Variants in BAHCC1 observed in about 807,000 individuals in gnomAD.
BAHCC1 encodes BAH and coiled-coil domain-containing protein 1.
In BAHCC1, 43 loss-of-function variants were observed where a neutral mutation model predicts 88.2. The ratio of observed to expected loss-of-function variants is 0.49; its 90% CI spans 0.38 to 0.63. BAHCC1 has a LOEUF of 0.63. BAHCC1 is among the 20% of genes least tolerant of loss of function. BAHCC1 has a pLI of 0.00. For missense variants in BAHCC1, 3,023 were observed against 1,654.8 expected (o/e 1.83, Z -14.34); for synonymous variants, 1,510 against 745.5 (o/e 2.03, Z -16.71).
Position 81,464,770 on chromosome 17 carries a change from G to A in BAHCC1, c.*953G>A, listed in dbSNP as rs955237463. 2 of 152,440 alleles carry A rather than the reference G, an allele frequency of 1.3e-5. No homozygotes were observed. The highest frequency in any genetic ancestry group is 4.8e-5 in the African/African-American group (2 of 41,432). 9.4% of individuals were successfully genotyped at this position (152,440 alleles called of 1,614,324 possible). A position where few individuals can be genotyped will look rare whatever the true frequency, so the allele number is the denominator to read the frequency against. ...TGTTTCCGGGGCCAGTTGGTCTGAG[G>A]CCAAGGAGTCTGGCCTCCACCCAGA... On this transcript the variant is annotated 3_prime_UTR_variant, in exon 28 of 28. Coordinates refer to ENST00000675386, the MANE Select transcript of BAHCC1 (RefSeq NM_001377448.1).
rs182027427 is a variant in BAHCC1 at position 81,461,713 on chromosome 17, C to T, written c.7050C>T (p.Asp2350=). The part of the protein sequence containing the change: ...SDNEDSSYSS[D]DEDPALLLQT... ...ACGAGGACTCGTCCTACAGCTCAGA[C>T]GACGAGGACCCGGCTCTGCTGCTGC... is the stretch of plus-strand genomic sequence containing the variant. The change falls in exon 26 of 28, where the codon GAC becomes GAT. Residue 2350 remains aspartate (D), a synonymous_variant. Transcript: ENST00000675386. 370 of 719,118 alleles carry T rather than the reference C, an allele frequency of 5.1e-4. 1 individual carries two copies. In the African/African-American group the frequency reaches 5.9e-3, roughly 11 times the overall value. 44.5% of individuals were successfully genotyped at this position (719,118 alleles called of 1,614,324 possible). A position where few individuals can be genotyped will look rare whatever the true frequency, so the allele number is the denominator to read the frequency against.
chr17:81,399,574 CG>C lies in BAHCC1; in HGVS notation c.-165del. ...AGCGGCCGCTGGCTCGGTGCGCGGC[CG>C]CCCGCCGAGAAGCCCAGTCCTCCCG... On this transcript the variant is annotated 5_prime_UTR_variant, in exon 2 of 28. The change abolishes the stop of an existing upstream ORF in the 5' untranslated region. Coordinates refer to ENST00000675386, the MANE Select transcript of BAHCC1 (RefSeq NM_001377448.1). This position sits in a 1 kb window ranked among gnomAD's most constrained non-coding sequence, Gnocchi z 4.5. 2 of 419,094 alleles carry C rather than the reference CG, an allele frequency of 4.8e-6. No individual in the cohort carries two copies. The highest frequency in any genetic ancestry group is 8.6e-6 in the Non-Finnish European group (2 of 232,692). 26.0% of individuals were successfully genotyped at this position (419,094 alleles called of 1,614,324 possible).
At position 81,456,025 on chromosome 17, in the gene BAHCC1, C is replaced by T. The variant is rs184347164; in HGVS notation, c.4570-272C>T. On this transcript the variant is annotated intron_variant, in intron 15 of 27. Transcript: ENST00000675386. ...AAAGCTAACAGCCTGGCCCCACAAC[C>T]CACAGCCACTGGGCCCTCAGCCTCC... 1.8e-5 allele frequency: 9 copies of T among 498,130 alleles called. No homozygotes were observed. In the South Asian group the frequency reaches 2.2e-4, roughly 12 times the overall value. 30.9% of individuals were successfully genotyped at this position (498,130 alleles called of 1,614,324 possible). A position where few individuals can be genotyped will look rare whatever the true frequency, so the allele number is the denominator to read the frequency against.
chr17:81,406,948 T>C (rs1296391261), intron 2 of BAHCC1: 2 of 456,208 alleles, frequency 4.4e-6, no homozygotes, highest in African/African-American at 4.0e-5. Flanking sequence ...TGGGTTTTTT[T>C]CATTCTGACC....
chr17:81,456,476 G>C lies in BAHCC1; in HGVS notation c.4749G>C (p.Lys1583Asn). Reference protein sequence around the residue: ...GRIREKLSRAKSAKVSGATRH... With the variant: ...GRIREKLSRANSAKVSGATRH... ...TCCGGGAGAAGCTGTCCCGAGCCAAGAGTGCCAAGGTGTCTGGGGCCACAC... is the reference window on the plus strand; with the variant it reads ...TCCGGGAGAAGCTGTCCCGAGCCAACAGTGCCAAGGTGTCTGGGGCCACAC... The change falls in exon 16 of 28, where the codon AAG becomes AAC. Residue 1583 changes from lysine to asparagine, a missense_variant. By Grantham distance (94) the Lys-to-Asn change is moderately conservative. Coordinates refer to ENST00000675386, the MANE Select transcript of BAHCC1 (RefSeq NM_001377448.1). 1.4e-6 allele frequency: 1 copy of C among 721,082 alleles called. No individual in the cohort carries two copies. The highest frequency in any genetic ancestry group is 2.6e-6 in the Non-Finnish European group (1 of 387,372). The allele number at this position is 721,082 out of a possible 1,614,324, so 44.7% of individuals were successfully genotyped here. A position where few individuals can be genotyped will look rare whatever the true frequency, so the allele number is the denominator to read the frequency against.
At chr17:81,412,628 C>T (rs535609741) in intron 2 of BAHCC1, among the ~76,000 whole-genome samples, 83 of 152,258 alleles carry the variant, frequency 5.5e-4, no homozygotes, top group African/African-American at 1.9e-3. Flanking sequence ...CTGGAGTCAC[C>T]GACTCTCCCT....
chr17:81,451,539 C>T, intron 11 of BAHCC1, 129 bp from the exon 12 acceptor site: 1 of 609,250 alleles, frequency 1.6e-6, no homozygotes, highest in Non-Finnish European at 3.0e-6. Context: ...CCTCACTCTT[C>T]CCGGTCTCCT....
rs782006441 is a variant in BAHCC1, at chr17:81,399,310, G to T, written c.-206-224G>T. The T allele has an allele frequency of 3.6e-6, 1 of 276,150 alleles. No individual in the cohort carries two copies. Among genetic ancestry groups the T allele is most frequent in the Non-Finnish European group, 7.4e-6 (1 of 134,668 alleles). The allele number at this position is 276,150 out of a possible 1,614,324, so 17.1% of individuals were successfully genotyped here. A position where few individuals can be genotyped will look rare whatever the true frequency, so the allele number is the denominator to read the frequency against. On this transcript the variant is annotated intron_variant, in intron 1 of 27. Coordinates refer to ENST00000675386, the MANE Select transcript of BAHCC1 (RefSeq NM_001377448.1). The surrounding 1 kb of genome is among the most constrained non-coding windows in gnomAD (Gnocchi z 4.5). The stretch of plus-strand genomic sequence containing the variant: ...TTCCCCCGGCTGCCCCGGGCCAAGC[G>T]TGGCCGGGACGGTGCGTGCGCGCGC...
intron 5 of BAHCC1, 83 bp from the exon 6 acceptor site, chr17:81,443,726 C>T (rs527619862): frequency 1.9e-5 from 13 of 680,854 alleles, no homozygotes; most frequent in South Asian, 7.8e-5. Flanking sequence ...CCCCCCAGCT[C>T]GAAGCGGGGT....
intron 2 of BAHCC1, among the ~76,000 whole-genome samples, chr17:81,418,116 T>G (rs887525866): frequency 6.6e-6 from 1 of 152,152 alleles, no homozygotes; most frequent in Admixed American, 6.5e-5. Flanking sequence ...GAGGCAACAG[T>G]AAGCAGGGCG....
At position 81,455,331 on chromosome 17, in the gene BAHCC1, G is replaced by T; in HGVS notation, c.4510G>T (p.Ala1504Ser). ...ELRGGSGGEP[A>S]KKRSKLERSV... ...GCGAGGAGGCAGTGGGGGCGAGCCT[G>T]CGAAGAAGCGAAGCAAGCTGGAGAG... is the stretch of plus-strand genomic sequence containing the variant. Residue 1504 changes from alanine (A) to serine (S), a missense_variant, in exon 15 of 28, where the codon GCG becomes TCG. Physicochemically the swap from Ala to Ser is moderately conservative, Grantham distance 99. Transcript: ENST00000675386. The T allele has an allele frequency of 1.4e-6, 1 of 717,168 alleles. No individual in the cohort carries two copies. The allele number at this position is 717,168 out of a possible 1,614,324, so 44.4% of individuals were successfully genotyped here.
Position 81,460,684 on chromosome 17 carries a change from A to C in BAHCC1, c.6180A>C (p.Lys2060Asn), listed in dbSNP as rs782122833. 2 of 773,274 alleles carry C rather than the reference A, an allele frequency of 2.6e-6. No homozygotes were observed. The highest frequency in any genetic ancestry group is 2.7e-5 in the South Asian group (2 of 73,852). 47.9% of individuals were successfully genotyped at this position (773,274 alleles called of 1,614,324 possible). The change falls in exon 25 of 28, where the codon AAA becomes AAC. Residue 2060 changes from lysine to asparagine, a missense_variant. Transcript: ENST00000675386. The part of the protein sequence containing the change: ...GPEALKTPGK[K>N]SISKDKAGKA... ...AAGCTTTGAAGACACCTGGGAAAAA[A>C]TCCATTAGCAAAGACAAAGCTGGTA...
At chr17:81,444,977 C>A (rs782028435) in intron 8 of BAHCC1, 38 bp from the exon 9 acceptor site, 4 of 710,060 alleles carry the variant, frequency 5.6e-6, no homozygotes, top group Non-Finnish European at 7.8e-6. Context: ...GCTGTCCCCT[C>A]CCCAGCCAGG....
intron 3 of BAHCC1, among the ~76,000 whole-genome samples, chr17:81,427,873 C>G (rs2064218838): frequency 6.6e-6 from 1 of 152,200 alleles, no homozygotes. Context: ...CGGACCCACA[C>G]ACCACGCCAC....
chr17:81,411,916 G>A lies in BAHCC1; in HGVS notation c.178+11999G>A, dbSNP rs538137416. On this transcript the variant is annotated intron_variant, in intron 2 of 27. Transcript: ENST00000675386. This position sits in a 1 kb window ranked among gnomAD's most constrained non-coding sequence, Gnocchi z 6.2. Reference sequence around the variant, plus strand: ...CGCTTACCATCGTATCCCTGCATCCGAGGGTAGCTTTGCCACAGGAAGCAT... The same window carrying A: ...CGCTTACCATCGTATCCCTGCATCCAAGGGTAGCTTTGCCACAGGAAGCAT... Among the ~76,000 whole-genome samples, 6 of 152,266 alleles carry A rather than the reference G, an allele frequency of 3.9e-5. No homozygotes were observed. Among genetic ancestry groups the A allele is most frequent in the South Asian group, 4.1e-4 (2 of 4,832 alleles).
chr17:81,444,260 C>T, intron 6 of BAHCC1, 121 bp from the exon 7 acceptor site: 2 of 627,530 alleles, frequency 3.2e-6, no homozygotes, highest in Non-Finnish European at 5.7e-6. Flanking sequence ...GACAGGGAGT[C>T]AGGCATTGGC....
intron 11 of BAHCC1, 129 bp from the exon 12 acceptor site, chr17:81,451,539 C>G (rs1555655748): frequency 4.9e-6 from 3 of 609,132 alleles, no homozygotes; most frequent in African/African-American, 1.8e-5. Context: ...CCTCACTCTT[C>G]CCGGTCTCCT....
intron 17 of BAHCC1, 83 bp from the exon 18 acceptor site, chr17:81,458,082 G>A: frequency 1.5e-6 from 1 of 689,584 alleles, no homozygotes; most frequent in East Asian, 2.7e-5. Flanking sequence ...TAGGTAACCA[G>A]GAGGGAGGAC....
At chr17:81,418,894 A>C (rs910342343) in intron 2 of BAHCC1, among the ~76,000 whole-genome samples, 1 of 151,974 alleles carries the variant, frequency 6.6e-6, no homozygotes, top group East Asian at 1.9e-4. Context: ...AGTCACGTGC[A>C]TATGCCCAGA....
Sources: allele counts gnomAD v4.1 joint callset (sites outside exome capture counted in the v4.1 genomes callset), GRCh38; gene constraint gnomAD v4.1.1; non-coding constraint Gnocchi (gnomAD v3.1); transcripts MANE v1.5; gene names NCBI Gene and HGNC (gene_info 2026-07-23, HGNC 2026-07-21).